ROBO2: variants seen among roughly 807,000 people sequenced by gnomAD.
The protein encoded by ROBO2 is roundabout guidance receptor 2.
ROBO2 carries 53 observed loss-of-function variants against 160.8 expected under a neutral mutation model. The ratio of observed to expected loss-of-function variants is 0.33; its 90% confidence interval spans 0.26 to 0.41. The LOEUF (loss-of-function observed/expected upper bound fraction) is 0.41, where lower values mean the gene tolerates loss of function less well. ROBO2 is among the 10% of genes least tolerant of loss of function. ROBO2 has a pLI of 1.00. For missense variants in ROBO2, 1,577 were observed against 1,722.4 expected (o/e 0.92, Z 1.49); for synonymous variants, 664 against 611.7 (o/e 1.09, Z -1.26).
intron 2 of ROBO2, among the ~76,000 whole-genome samples, chr3:76,139,863 G>A (rs1333193299): frequency 1.3e-5 from 2 of 151,996 alleles, no homozygotes; most frequent in African/African-American, 4.8e-5. Context: ...AATGGGAATG[G>A]CCATATTCTT....
intron 1 of ROBO2, among the ~76,000 whole-genome samples, chr3:77,093,896 T>C (rs1238447012): frequency 6.6e-6 from 1 of 152,178 alleles, no homozygotes; most frequent in Non-Finnish European, 1.5e-5. Context: ...GTGTTAACTG[T>C]TGTTAGGAGT....
Position 75,925,319 on chromosome 3 carries a change from G to A in ROBO2, c.-13-12162G>A, listed in dbSNP as rs562006257. ...GCGGTGAAAGGATCTGAGCCCGGGA[G>A]GTGGAGGCTGCGGTGAACCGTGATT... is the stretch of plus-strand genomic sequence containing the variant. On this transcript the variant is annotated intron_variant, in intron 1 of 26. Coordinates refer to the ROBO2 transcript ENST00000487694. 9.9e-5 allele frequency among the ~76,000 whole-genome samples: 15 copies of A among 152,190 alleles called. No individual in the cohort carries two copies. In the East Asian group the frequency reaches 2.9e-3, roughly 30 times the overall value.
chr3:76,184,479 A>C (rs1399601799), intron 2 of ROBO2, among the ~76,000 whole-genome samples: 1 of 152,054 alleles, frequency 6.6e-6, no homozygotes, highest in Non-Finnish European at 1.5e-5. Flanking sequence ...TTCATGGGAG[A>C]AGATGCAAAA....
At chr3:77,391,993 G>A (rs1232052484) in intron 2 of ROBO2, among the ~76,000 whole-genome samples, 1 of 152,094 alleles carries the variant, frequency 6.6e-6, no homozygotes, top group Non-Finnish European at 1.5e-5. Flanking sequence ...GCCAGGCCAT[G>A]CATAACAGAT....
At chr3:76,408,706 A>G (rs1348779790) in intron 2 of ROBO2, among the ~76,000 whole-genome samples, 1 of 152,100 alleles carries the variant, frequency 6.6e-6, no homozygotes, top group African/African-American at 2.4e-5. Flanking sequence ...AGAGAGGGAT[A>G]GTTAAGATAT....
At chr3:76,116,081 A>G (rs915141599) in intron 2 of ROBO2, among the ~76,000 whole-genome samples, 5 of 152,174 alleles carry the variant, frequency 3.3e-5, no homozygotes, top group African/African-American at 1.2e-4. Context: ...GAGGTAGTCT[A>G]GCATGGACTC....
At chr3:77,373,158 A>G (rs1048741163) in intron 2 of ROBO2, among the ~76,000 whole-genome samples, 1 of 147,310 alleles carries the variant, frequency 6.8e-6, no homozygotes, top group African/African-American at 2.4e-5. Context: ...TTATAAAATT[A>G]TTATTAAAAT....
intron 2 of ROBO2, among the ~76,000 whole-genome samples, chr3:76,164,846 C>A (rs1217351194): frequency 2.3e-5 from 2 of 85,752 alleles, no homozygotes; most frequent in Non-Finnish European, 5.0e-5. Context: ...CAAAGAAATG[C>A]CTGGGGCCTG....
chr3:76,907,856 T>TGTGTGTGTGTG lies in ROBO2; in HGVS notation c.110-190158_110-190157insGTGTGTGTGTG, dbSNP rs2075716891. On this transcript the variant is annotated intron_variant, in intron 2 of 26. Coordinates refer to the ROBO2 transcript ENST00000487694. ...TGTGTGTGTGTGTGTGTGTGTGTGTTTGAGATGGAGTCTTGCTCTGTCGCC... is the reference window on the plus strand; with the variant it reads ...TGTGTGTGTGTGTGTGTGTGTGTGTTGTGTGTGTGTGTGAGATGGAGTCTTGCTCTGTCGCC... 6.9e-4 allele frequency among the ~76,000 whole-genome samples: 50 copies of TGTGTGTGTGTG among 72,594 alleles called. 1 individual carries two copies. Among genetic ancestry groups the TGTGTGTGTGTG allele is most frequent in the African/African-American group, 2.6e-3 (46 of 17,860 alleles). The allele number at this position is 72,594 out of a possible 152,430, so 47.6% of individuals were successfully genotyped here. A position where few individuals can be genotyped will look rare whatever the true frequency, so the allele number is the denominator to read the frequency against.
chr3:76,864,852 A>G (rs538292516), intron 2 of ROBO2, among the ~76,000 whole-genome samples: 1 of 152,276 alleles, frequency 6.6e-6, no homozygotes, highest in South Asian at 2.1e-4. Flanking sequence ...AGTTAGCTAA[A>G]TAGATTTGTA....
intron 2 of ROBO2, among the ~76,000 whole-genome samples, chr3:77,008,895 T>C (rs2061722155): frequency 1.3e-5 from 2 of 152,194 alleles, no homozygotes; most frequent in Non-Finnish European, 2.9e-5. Context: ...TGGAATTACA[T>C]ATGATACAAA....
At chr3:76,221,297 G>A (rs1195360639) in intron 2 of ROBO2, among the ~76,000 whole-genome samples, 1 of 151,640 alleles carries the variant, frequency 6.6e-6, no homozygotes, top group Non-Finnish European at 1.5e-5. Flanking sequence ...GTAACTCAGG[G>A]TGATGGTGAG....
rs66672194 is a variant in ROBO2, at chr3:77,199,620, ATTTTTT to A, written c.388+101297_388+101302del. On this transcript the variant is annotated intron_variant, in intron 2 of 25. Transcript: ENST00000461745. ...TTTTATTCTGATGGACTCAGTCACC[ATTTTTT>A]TTTTTTTTTTTTTTTTGTGACAGAT... 1.1e-3 allele frequency among the ~76,000 whole-genome samples: 134 copies of A among 118,118 alleles called. No individual in the cohort carries two copies. The Middle Eastern group carries it at 0.023, about 21-fold the overall frequency. 77.5% of individuals were successfully genotyped at this position (118,118 alleles called of 152,430 possible). A position where few individuals can be genotyped will look rare whatever the true frequency, so the allele number is the denominator to read the frequency against.
At position 76,939,379 on chromosome 3, in the gene ROBO2, A is replaced by C. The variant is rs72900152; in HGVS notation, c.110-158635A>C. ...ACATTGGTAAAACTGCTGATGAGTG[A>C]AACATTCTGATAAATGAAGACTTAA... On this transcript the variant is annotated intron_variant, in intron 2 of 26. Coordinates refer to the ROBO2 transcript ENST00000487694. Among the ~76,000 whole-genome samples, 1,103 of 152,318 alleles carry C rather than the reference A, an allele frequency of 7.2e-3. 14 individuals carry two copies. Among genetic ancestry groups the C allele is most frequent in the African/African-American group, 0.025 (1,032 of 41,562 alleles).
At chr3:76,213,494 T>C (rs534294832) in intron 2 of ROBO2, among the ~76,000 whole-genome samples, 3 of 152,302 alleles carry the variant, frequency 2.0e-5, no homozygotes, top group African/African-American at 7.2e-5. Context: ...GTTCCATAGA[T>C]AATATTCAAT....
chr3:76,630,114 T>C (rs975764547), intron 2 of ROBO2, among the ~76,000 whole-genome samples: 1 of 152,232 alleles, frequency 6.6e-6, no homozygotes, highest in African/African-American at 2.4e-5. Flanking sequence ...TGTTATAATG[T>C]TGATGAGAGA....
chr3:76,281,593 A>T (rs1197313819), intron 2 of ROBO2, among the ~76,000 whole-genome samples: 1 of 151,840 alleles, frequency 6.6e-6, no homozygotes, highest in Non-Finnish European at 1.5e-5. Flanking sequence ...GTTCTAACTT[A>T]TCCTGTGTGT....
At chr3:77,149,097 A>G (rs538137706) in intron 2 of ROBO2, among the ~76,000 whole-genome samples, 9 of 144,838 alleles carry the variant, frequency 6.2e-5, no homozygotes, top group Admixed American at 5.0e-4. Flanking sequence ...GTGCGGTGGC[A>G]TGATCTCAGC....
Position 77,040,353 on chromosome 3 carries a change from T to C in ROBO2, c.-433T>C, listed in dbSNP as rs1356840088. 2.0e-6 allele frequency: 2 copies of C among 1,003,128 alleles called. No individual in the cohort carries two copies. Among genetic ancestry groups the C allele is most frequent in the Non-Finnish European group, 2.4e-6 (2 of 842,088 alleles). 62.1% of individuals were successfully genotyped at this position (1,003,128 alleles called of 1,614,324 possible). ...GAAAGAAAACCAGTAGGCAGGCCAA[T>C]GGTTTTTCGGCAGCGCGCTGGCAAG... On this transcript the variant is annotated 5_prime_UTR_variant, in exon 1 of 26. The change abolishes an upstream ATG in the 5' untranslated region. Coordinates refer to ENST00000461745, the Ensembl canonical transcript of ROBO2.
Sources: gnomAD v4.1 joint callset for allele counts (sites outside exome capture counted in the v4.1 genomes callset) on GRCh38, gnomAD v4.1.1 for gene constraint, MANE v1.5 for transcripts, NCBI Gene and HGNC (gene_info 2026-07-23, HGNC 2026-07-21) for gene names.